The following TRAPPC3L variants were observed in gnomAD, a reference collection of about 807,000 sequenced individuals.
TRAPPC3L encodes the protein trafficking protein particle complex subunit 3L, also known as trafficking protein particle complex subunit 3-like protein.
TRAPPC3L carries 23 observed loss-of-function variants against 23.7 expected under a neutral mutation model. That is an observed-to-expected ratio of 0.97 (90% CI 0.70 to 1.37). The LOEUF is 1.37. TRAPPC3L is among the 40% of genes most tolerant of loss of function. TRAPPC3L has a pLI of 0.00. For missense variants in TRAPPC3L, 212 were observed against 216.8 expected (o/e 0.98, Z 0.14); for synonymous variants, 81 against 77.9 (o/e 1.04, Z -0.21).
At chr6:116,499,007 AC>A (rs1468545532) in intron 4 of TRAPPC3L, among the ~76,000 whole-genome samples, 3 of 152,208 alleles carry the variant, frequency 2.0e-5, no homozygotes, top group Non-Finnish European at 4.4e-5. Context: ...ACAGGGATAA[AC>A]AACTGCTTGC....
chr6:116,527,980 TTAGAG>T (rs887799149), intron 3 of TRAPPC3L, among the ~76,000 whole-genome samples: 1 of 152,220 alleles, frequency 6.6e-6, no homozygotes, highest in African/African-American at 2.4e-5. Context: ...AACTTCTCCC[TTAGAG>T]TATTTTTAGT....
At chr6:116,524,621 G>C (rs1011217633) in intron 3 of TRAPPC3L, 1 of 152,108 alleles carries the variant, frequency 6.6e-6, no homozygotes. Flanking sequence ...TTACTAACAA[G>C]ATGTTTTATC....
chr6:116,515,481 T>A, intron 3 of TRAPPC3L: 1 of 1,069,794 alleles, frequency 9.3e-7, no homozygotes, highest in Non-Finnish European at 1.3e-6. Flanking sequence ...GATGAATGAT[T>A]TCAAATGAGG....
At chr6:116,538,324 T>A (rs1035239289) in intron 3 of TRAPPC3L, among the ~76,000 whole-genome samples, 1 of 152,236 alleles carries the variant, frequency 6.6e-6, no homozygotes, top group Non-Finnish European at 1.5e-5. Flanking sequence ...ATTGAGCATA[T>A]TTCAGATAAT....
chr6:116,525,043 T>C (rs973387878), intron 3 of TRAPPC3L, among the ~76,000 whole-genome samples: 1 of 152,226 alleles, frequency 6.6e-6, no homozygotes, highest in Non-Finnish European at 1.5e-5. Context: ...TTATTGAACA[T>C]CAATTTGGAC....
At chr6:116,518,830 C>G (rs1255233980) in intron 3 of TRAPPC3L, 1 of 152,202 alleles carries the variant, frequency 6.6e-6, no homozygotes, top group Non-Finnish European at 1.5e-5. Context: ...AAAACCCAAG[C>G]TGACTGGCAA....
In TRAPPC3L at chr6:116,495,163, TG is replaced by T. The variant is rs1771816395; in HGVS notation, c.*1790del. The T allele has an allele frequency of 6.6e-6, 1 of 150,610 alleles. No individual in the cohort carries two copies. Among genetic ancestry groups the T allele is most frequent in the African/African-American group, 2.5e-5 (1 of 40,794 alleles). The allele number at this position is 150,610 out of a possible 1,614,324, so 9.3% of individuals were successfully genotyped here. ...ACCCATTAACCATCTCCACTCCTCT[TG>T]AAACTACCCTTCCCAGCCTCTGATA... On this transcript the variant is annotated 3_prime_UTR_variant, in exon 5 of 5. Coordinates refer to ENST00000368602, the MANE Select transcript of TRAPPC3L (RefSeq NM_001139444.3).
At chr6:116,504,520 T>C (rs922834962) in intron 3 of TRAPPC3L, among the ~76,000 whole-genome samples, 6 of 152,206 alleles carry the variant, frequency 3.9e-5, no homozygotes, top group Non-Finnish European at 2.9e-5. Flanking sequence ...GAATCCTCCC[T>C]AACTCATTTT....
chr6:116,531,951 CAAGTTGAGTTCGCTGTCATTATTT>C (rs1307653403), intron 3 of TRAPPC3L, among the ~76,000 whole-genome samples: 3 of 150,338 alleles, frequency 2.0e-5, no homozygotes, highest in Non-Finnish European at 4.4e-5. Flanking sequence ...ATAAAATTAC[CAAGTTGAGTTCGCTGTCATTATTT>C]AATAAGAATC....
intron 1 of TRAPPC3L, among the ~76,000 whole-genome samples, chr6:116,544,653 A>G (rs1294334668): frequency 6.6e-6 from 1 of 152,160 alleles, no homozygotes; most frequent in African/African-American, 2.4e-5. Flanking sequence ...ATTTCGGTAT[A>G]ATATGAACTA....
chr6:116,540,654 A>C (rs1159543853), intron 2 of TRAPPC3L, among the ~76,000 whole-genome samples, 192 bp from the exon 3 acceptor site: 1 of 152,082 alleles, frequency 6.6e-6, no homozygotes, highest in Admixed American at 6.6e-5. Context: ...AGAGCAACAC[A>C]CTGAGGAAAT....
At chr6:116,515,641 T>C in intron 3 of TRAPPC3L, 2 of 1,613,724 alleles carry the variant, frequency 1.2e-6, no homozygotes, top group Non-Finnish European at 1.7e-6. Context: ...CTTTCTTCTC[T>C]CTGCTCACCA....
Position 116,497,042 on chromosome 6 carries a change from T to C in TRAPPC3L, c.458A>G (p.Gln153Arg). 1 of 1,545,734 alleles carries C rather than the reference T, an allele frequency of 6.5e-7. No individual in the cohort carries two copies. Among genetic ancestry groups the C allele is most frequent in the East Asian group, 2.5e-5 (1 of 40,454 alleles). The stretch of plus-strand genomic sequence containing the variant: ...CACACTGTCACCTTTTAGTCTGTCT[T>C]GCAAGAATGTAACATCAGCCGCCAA... ...VHLAADVTFL[Q>R]DRLKGDSVTE... The change falls in exon 5 of 5, where the codon CAA becomes CGA. Residue 153 changes from glutamine to arginine, a missense_variant. By Grantham distance (43) the Gln-to-Arg change is conservative. Coordinates refer to ENST00000368602, the MANE Select transcript of TRAPPC3L (RefSeq NM_001139444.3).
intron 3 of TRAPPC3L, among the ~76,000 whole-genome samples, chr6:116,503,092 A>G (rs971285748): frequency 6.6e-6 from 1 of 152,192 alleles, no homozygotes; most frequent in Non-Finnish European, 1.5e-5. Context: ...TTGGATGAAG[A>G]GTCAAGACCC....
chr6:116,521,322 G>A (rs1278161389), intron 3 of TRAPPC3L: 2 of 152,134 alleles, frequency 1.3e-5, no homozygotes, highest in Admixed American at 1.3e-4. Flanking sequence ...TGGAGAATCA[G>A]GGAAATGTGT....
chr6:116,505,772 G>A (rs1023562812), intron 3 of TRAPPC3L, among the ~76,000 whole-genome samples: 18 of 152,092 alleles, frequency 1.2e-4, no homozygotes, highest in African/African-American at 4.1e-4. Flanking sequence ...ATAGGGAAAG[G>A]ATTCCCTGTT....
chr6:116,496,236 GAAT>G lies in TRAPPC3L; in HGVS notation c.*715_*717del, dbSNP rs1347936239. On this transcript the variant is annotated 3_prime_UTR_variant, in exon 5 of 5. Coordinates refer to ENST00000368602, the MANE Select transcript of TRAPPC3L (RefSeq NM_001139444.3). The stretch of plus-strand genomic sequence containing the variant: ...TTTGGGGTAAGAAAGTAATTTCAAA[GAAT>G]ATTATTTATCCTTTATTTTAGAAGT... 2.0e-5 allele frequency: 3 copies of G among 152,162 alleles called. No individual in the cohort carries two copies. The highest frequency in any genetic ancestry group is 7.2e-5 in the African/African-American group (3 of 41,444). The allele number at this position is 152,162 out of a possible 1,614,324, so 9.4% of individuals were successfully genotyped here.
intron 3 of TRAPPC3L, among the ~76,000 whole-genome samples, chr6:116,506,869 G>T (rs867402647): frequency 6.6e-6 from 1 of 152,036 alleles, no homozygotes; most frequent in African/African-American, 2.4e-5. Context: ...TGTCAGGCTG[G>T]GGGGCTGGGG....
chr6:116,532,964 A>G (rs1322722070), intron 3 of TRAPPC3L, among the ~76,000 whole-genome samples: 1 of 152,216 alleles, frequency 6.6e-6, no homozygotes, highest in East Asian at 1.9e-4. Context: ...GAAAGATCTA[A>G]TGAACATTTC....
Sources: gnomAD v4.1 joint callset for allele counts (sites outside exome capture counted in the v4.1 genomes callset) on GRCh38, gnomAD v4.1.1 for gene constraint, MANE v1.5 for transcripts, NCBI Gene and HGNC (gene_info 2026-07-23, HGNC 2026-07-21) for gene names.